POLE: variants seen among roughly 807,000 people sequenced by gnomAD.
The protein encoded by POLE is DNA polymerase epsilon, catalytic subunit.
A neutral mutation model predicts 279.2 loss-of-function variants in POLE; 188 were observed. That is an observed-to-expected ratio of 0.67 (90% CI 0.60 to 0.76). The LOEUF is 0.76. POLE is among the 30% of genes least tolerant of loss of function. POLE has a pLI of 0.00. For synonymous variants in POLE, 1,214 were observed against 1,172.5 expected (o/e 1.04, Z -0.72); for missense variants, 2,703 against 3,016.7 (o/e 0.90, Z 2.44).
intron 45 of POLE, among the ~76,000 whole-genome samples, chr12:132,628,163 G>A (rs567103981): frequency 6.6e-6 from 1 of 152,142 alleles, no homozygotes; most frequent in African/African-American, 2.4e-5. Flanking sequence ...CTAACATGGT[G>A]AAACCCTGTC....
chr12:132,634,032 G>A lies in POLE; in HGVS notation c.6004+154C>T. 6.0e-6 allele frequency: 4 copies of A among 669,446 alleles called. No individual in the cohort carries two copies. The highest frequency in any genetic ancestry group is 1.9e-5 in the South Asian group (1 of 51,342). 41.5% of individuals were successfully genotyped at this position (669,446 alleles called of 1,614,324 possible). A position where few individuals can be genotyped will look rare whatever the true frequency, so the allele number is the denominator to read the frequency against. On this transcript the variant is annotated intron_variant, in intron 43 of 48. Transcript: ENST00000320574. The surrounding 1 kb of genome is among the most constrained non-coding windows in gnomAD (Gnocchi z 4.0). ...GAACATGCCTGGAGCCTGGAGAGGA[G>A]GCCCCTCGGCTCACAAAGTCCCAAC...
chr12:132,643,971 G>A lies in POLE; in HGVS notation c.4156C>T (p.Arg1386Trp), dbSNP rs747619107. The A allele has an allele frequency of 1.1e-5, 18 of 1,612,746 alleles. No individual in the cohort carries two copies. Among genetic ancestry groups the A allele is most frequent in the Non-Finnish European group, 1.4e-5 (17 of 1,178,980 alleles). Residue 1386 changes from arginine to tryptophan, a missense_variant, in exon 33 of 49, where the codon CGG becomes TGG. This residue lies in a region of POLE where 1,551 missense variants were observed against 1,686.1 expected (regional missense o/e 0.92). Transcript: ENST00000320574. ...EEGASYRKVNRVLPRSNMVYN... is the reference protein window; with the variant it reads ...EEGASYRKVNWVLPRSNMVYN... ...ACCATGTTGGAGCGAGGAAGGACCC[G>A]ATTTACCTGGCGAGAATACGACGAT...
At chr12:132,676,493 A>AC in intron 9 of POLE, 53 bp downstream of exon 9, 1 of 1,103,758 alleles carries the variant, frequency 9.1e-7, no homozygotes. Flanking sequence ...TAGTATGGGG[A>AC]CCAGACAAGG....
rs2043162670 is a variant in POLE at position 132,681,283 on chromosome 12, A to T, written c.63-4T>A. 6.2e-7 allele frequency: 1 copy of T among 1,613,580 alleles called. No individual in the cohort carries two copies. The highest frequency in any genetic ancestry group is 1.3e-5 in the African/African-American group (1 of 74,876). ...TGAGGAAGTGGCGCCATCATCCCTG[A>T]GTGAAAGAAGGGAACCCCGTGCTTA... On this transcript the variant is annotated splice_region_variant and splice_polypyrimidine_tract_variant and intron_variant, in intron 1 of 48. Transcript: ENST00000320574.
rs1314665962 is a variant in POLE, at chr12:132,687,271, C to T, written c.45G>A (p.Ala15=). The change falls in exon 1 of 49, where the codon GCG becomes GCA. Residue 15 remains alanine, a synonymous_variant. Coordinates refer to ENST00000320574, the MANE Select transcript of POLE (RefSeq NM_006231.4). ...CCCCTCACCTGCTGGCCTCGCCATC[C>T]GCGCCTGGGTCCGCGCGCCGCCGCC... ...SGGRRRADPG[A]DGEASRDDGA... is the part of the protein sequence containing the mutation. 2.0e-6 allele frequency: 3 copies of T among 1,501,146 alleles called. No homozygotes were observed. In the Admixed American group the frequency reaches 6.3e-5, roughly 31 times the overall value. The allele number at this position is 1,501,146 out of a possible 1,614,324, so 93.0% of individuals were successfully genotyped here. A position where few individuals can be genotyped will look rare whatever the true frequency, so the allele number is the denominator to read the frequency against.
In POLE at chr12:132,673,233, GTA is replaced by G; in HGVS notation, c.1402_1403del (p.Tyr468ProfsTer34). ...YSVSDAVATY[Y>X]LYMKYVHPFI... ...ATGGGTGGACGTACTTCATGTACAG[GTA>G]GTAAGTGGCGACAGCATCTGACACA... On this transcript the variant is annotated frameshift_variant, in exon 14 of 49. Transcript: ENST00000320574. LOFTEE classifies it high-confidence loss of function. 1 of 1,613,752 alleles carries G rather than the reference GTA, an allele frequency of 6.2e-7. No homozygotes were observed. Among genetic ancestry groups the G allele is most frequent in the Non-Finnish European group, 8.5e-7 (1 of 1,179,578 alleles).
chr12:132,642,728 T>G lies in POLE; in HGVS notation c.4730A>C (p.Glu1577Ala), dbSNP rs5744948. The G allele has an allele frequency of 9.2e-5, 148 of 1,613,520 alleles. No homozygotes were observed. In the African/African-American group the frequency reaches 1.9e-3, roughly 20 times the overall value. ...GATGAGTGTGGGCCCCCGGCGCTCCTCCTGGGTCAAGGCAAAATGGAAGAA... is the reference window on the plus strand; with the variant it reads ...GATGAGTGTGGGCCCCCGGCGCTCCGCCTGGGTCAAGGCAAAATGGAAGAA... ...AIQRFLLAYK[E>A]ERRGPTLIAV... The change falls in exon 37 of 49, where the codon GAG becomes GCG. Residue 1577 changes from glutamate (E) to alanine (A), a missense_variant and splice_region_variant. Glu to Ala is a moderately radical substitution (Grantham distance 107). This residue lies in a region of POLE where 1,551 missense variants were observed against 1,686.1 expected (regional missense o/e 0.92). Transcript: ENST00000320574.
At chr12:132,683,754 C>T (rs77630992) in intron 1 of POLE, among the ~76,000 whole-genome samples, 196 of 152,354 alleles carry the variant, frequency 1.3e-3, no homozygotes, top group African/African-American at 4.5e-3. Context: ...ATCCTTGCCT[C>T]AAGTAAGTTG....
At chr12:132,665,191 C>T (rs887925579) in intron 21 of POLE, 111 bp downstream of exon 21, 77 of 1,185,726 alleles carry the variant, frequency 6.5e-5, no homozygotes, top group Non-Finnish European at 7.8e-5. Context: ...TCCAACATTC[C>T]TTGAATCAGA....
At chr12:132,651,843 C>CT (rs1218651461) in intron 29 of POLE, among the ~76,000 whole-genome samples, 1 of 152,250 alleles carries the variant, frequency 6.6e-6, no homozygotes, top group Admixed American at 6.5e-5. Flanking sequence ...GAACCGAGTC[C>CT]TGCCATCCCC....
At chr12:132,657,635 G>A (rs1284441643) in intron 27 of POLE, among the ~76,000 whole-genome samples, 2 of 152,194 alleles carry the variant, frequency 1.3e-5, no homozygotes, top group African/African-American at 2.4e-5. Context: ...GTAGGTGGCT[G>A]AGCCAACACC....
Position 132,649,347 on chromosome 12 carries a change from T to A in POLE, c.3964A>T (p.Thr1322Ser), listed in dbSNP as rs1341107064. The change falls in exon 31 of 49, where the codon ACT (threonine) becomes TCT (serine). Residue 1322 changes from threonine (T) to serine (S), a missense_variant. Transcript: ENST00000320574. ...GGAAGGTCCAGGATGCTGCGGGCAG[T>A]TCTTCGCAAGAAGCTCCCCAGCCCC... is the stretch of plus-strand genomic sequence containing the variant. ...ATGLGSFLRR[T>S]ARSILDLPWQ... The A allele has an allele frequency of 6.2e-7, 1 of 1,613,578 alleles. No homozygotes were observed. Among genetic ancestry groups the A allele is most frequent in the East Asian group, 2.2e-5 (1 of 44,866 alleles).
intron 15 of POLE, 122 bp downstream of exon 15, chr12:132,672,505 A>G: frequency 8.5e-7 from 1 of 1,172,612 alleles, no homozygotes; most frequent in Non-Finnish European, 1.2e-6. Context: ...CAGAGAAGCC[A>G]CACCCGGTGA....
intron 21 of POLE, 79 bp downstream of exon 21, chr12:132,665,223 C>G: frequency 7.0e-7 from 1 of 1,424,426 alleles, no homozygotes; most frequent in Non-Finnish European, 9.8e-7. Flanking sequence ...CCATGCACAG[C>G]AGCCTACACC....
chr12:132,641,323 T>C (rs2042136408), intron 39 of POLE: 2 of 420,584 alleles, frequency 4.8e-6, no homozygotes, highest in Non-Finnish European at 9.0e-6. Flanking sequence ...TCACACATCA[T>C]ACTCAGTAGA....
At chr12:132,624,853 A>G in intron 48 of POLE, 43 bp from the exon 49 acceptor site, 1 of 1,555,796 alleles carries the variant, frequency 6.4e-7, no homozygotes. Context: ...GTCCACTCAG[A>G]GAGGAGGCCA....
rs957887016 is a variant in POLE at position 132,639,609 on chromosome 12, C to T, written c.5379-311G>A. On this transcript the variant is annotated intron_variant, in intron 39 of 48. Transcript: ENST00000320574. This position sits in a 1 kb window ranked among gnomAD's most constrained non-coding sequence, Gnocchi z 4.7. Reference sequence around the variant, plus strand: ...ACAAAGCAGCAAGTGTGTGACGGGCCGGGGACCCTGACAGGAAGGACACAG... The same window carrying T: ...ACAAAGCAGCAAGTGTGTGACGGGCTGGGGACCCTGACAGGAAGGACACAG... Among the ~76,000 whole-genome samples the T allele has an allele frequency of 2.6e-5, 4 of 152,144 alleles. No individual in the cohort carries two copies. The highest frequency in any genetic ancestry group is 7.2e-5 in the African/African-American group (3 of 41,434).
rs758424241 is a variant in POLE, at chr12:132,639,244, G to A, written c.5433C>T (p.Asn1811=). The change falls in exon 40 of 49, where the codon AAC becomes AAT. Residue 1811 remains asparagine (N), a synonymous_variant. Transcript: ENST00000320574. The surrounding 1 kb of genome is among the most constrained non-coding windows in gnomAD (Gnocchi z 4.7). ...GCATCACCTGGTTGTCTGCATAGAT[G>A]TTGTGGTACTGGGTGATCTCCTTCA... The part of the protein sequence containing the change: ...GWVKEITQYH[N]IYADNQVMHF... The A allele has an allele frequency of 6.2e-7, 1 of 1,614,140 alleles. No individual in the cohort carries two copies. The highest frequency in any genetic ancestry group is 2.2e-5 in the East Asian group (1 of 44,876).
At chr12:132,686,943 C>T (rs1206256563) in intron 1 of POLE, among the ~76,000 whole-genome samples, 1 of 151,692 alleles carries the variant, frequency 6.6e-6, no homozygotes, top group Non-Finnish European at 1.5e-5. Context: ...CTCATCGCCC[C>T]CGCCGCGCGG....
Sources: allele counts gnomAD v4.1 joint callset (sites outside exome capture counted in the v4.1 genomes callset), GRCh38; gene constraint gnomAD v4.1.1; regional missense constraint gnomAD v4.1.1; non-coding constraint Gnocchi (gnomAD v3.1); transcripts MANE v1.5; gene names NCBI Gene and HGNC (gene_info 2026-07-23, HGNC 2026-07-21).